Variants in PSMD11 observed in about 807,000 individuals in gnomAD.
PSMD11 encodes 26S proteasome non-ATPase regulatory subunit 11.
In PSMD11, 5 loss-of-function variants were observed where a neutral mutation model predicts 62.3. The ratio of observed to expected loss-of-function variants is 0.08; its 90% CI spans 0.04 to 0.17. The LOEUF is 0.17. Among genes scored for constraint, PSMD11 ranks in the 10% least tolerant of loss-of-function variants. The pLI, the probability that PSMD11 is intolerant of heterozygous loss-of-function variation, is 1.00. For synonymous variants in PSMD11, 191 were observed against 191.8 expected, an observed-to-expected ratio of 1.00 and a Z score of 0.03; for missense variants, 310 against 512.9, an observed-to-expected ratio of 0.60 and a Z score of 3.82.
At chr17:32,451,578 A>G (rs1372840471) in intron 2 of PSMD11, among the ~76,000 whole-genome samples, 2 of 152,230 alleles carry the variant, frequency 1.3e-5, no homozygotes, top group African/African-American at 4.8e-5. Flanking sequence ...TGTGCTGCAC[A>G]TTGAAATAAA....
intron 12 of PSMD11, 89 bp from the exon 13 acceptor site, chr17:32,480,400 C>T (rs1908453934): frequency 2.6e-6 from 4 of 1,521,020 alleles, no homozygotes; most frequent in Admixed American, 1.7e-5. Context: ...TTTCTGGACA[C>T]AGTGAGTCAA....
intron 7 of PSMD11, 46 bp downstream of exon 7, chr17:32,473,991 C>T: frequency 1.9e-6 from 3 of 1,604,740 alleles, no homozygotes; most frequent in Non-Finnish European, 2.6e-6. Context: ...GATCCTTCAG[C>T]AAGTCTGTTT....
intron 5 of PSMD11, among the ~76,000 whole-genome samples, chr17:32,468,165 T>C (rs1597838879): frequency 1.3e-5 from 2 of 152,358 alleles, no homozygotes; most frequent in East Asian, 1.9e-4. Flanking sequence ...TATTCTGTGG[T>C]GTATATGTAC....
intron 8 of PSMD11, 72 bp from the exon 9 acceptor site, chr17:32,477,449 C>G: frequency 7.6e-7 from 1 of 1,321,814 alleles, no homozygotes; most frequent in South Asian, 1.5e-5. Context: ...ACACAGCATA[C>G]TGCTTATGAG....
At position 32,464,031 on chromosome 17, in the gene PSMD11, T is replaced by C. The variant is rs1907919652; in HGVS notation, c.319-18T>C. Reference sequence around the variant, plus strand: ...TTTGAGGACATAATGTTGCATGTACTGTCTCTCCTTATTGCAGGTCGAGCT... The same window carrying C: ...TTTGAGGACATAATGTTGCATGTACCGTCTCTCCTTATTGCAGGTCGAGCT... On this transcript the variant is annotated intron_variant, in intron 3 of 13. Coordinates refer to ENST00000261712, the MANE Select transcript of PSMD11 (RefSeq NM_002815.4). The C allele has an allele frequency of 1.2e-6, 2 of 1,611,488 alleles. No individual in the cohort carries two copies. Among genetic ancestry groups the C allele is most frequent in the Non-Finnish European group, 8.5e-7 (1 of 1,177,578 alleles).
chr17:32,469,260 A>G lies in PSMD11; in HGVS notation c.643+67A>G, dbSNP rs1442557757. The G allele has an allele frequency of 1.0e-5, 15 of 1,496,750 alleles. No homozygotes were observed. In the East Asian group the frequency reaches 3.5e-4, roughly 35 times the overall value. 92.7% of individuals were successfully genotyped at this position (1,496,750 alleles called of 1,614,324 possible). On this transcript the variant is annotated intron_variant, in intron 6 of 13. Coordinates refer to ENST00000261712, the MANE Select transcript of PSMD11 (RefSeq NM_002815.4). ...TCATCTTATTTTATAGGTGGAAGGA[A>G]TGGGGGTTGGGGCTGGAGAATAAAA...
intron 3 of PSMD11, among the ~76,000 whole-genome samples, chr17:32,461,859 T>C (rs903604448): frequency 1.3e-5 from 2 of 152,210 alleles, no homozygotes; most frequent in African/African-American, 4.8e-5. Context: ...GTCTTATTTT[T>C]AGAAAATTTT....
At position 32,464,569 on chromosome 17, in the gene PSMD11, T is replaced by C. The variant is rs756089216; in HGVS notation, c.439T>C (p.Leu147=). Residue 147 remains leucine, a synonymous_variant, in exon 5 of 14, where the codon TTG becomes CTG. Transcript: ENST00000261712. ...TGATACCAAGAGGTACCAGGAAGCA[T>C]TGCATTTGGGTAAGTAAGCTGGTAA... is the stretch of plus-strand genomic sequence containing the variant. ...YFDTKRYQEA[L]HLGSQLLREL... 6.2e-7 allele frequency: 1 copy of C among 1,609,104 alleles called. No individual in the cohort carries two copies. The highest frequency in any genetic ancestry group is 2.2e-5 in the East Asian group (1 of 44,782).
In PSMD11 at chr17:32,468,939, T is replaced by A; in HGVS notation, c.449-60T>A. On this transcript the variant is annotated intron_variant, in intron 5 of 13. Transcript: ENST00000261712. Reference sequence around the variant, plus strand: ...CCTGAGTGTTATGAGGGTGGGAGAGTGAGCTATTATTAGGTATTAAGCTGA... The same window carrying A: ...CCTGAGTGTTATGAGGGTGGGAGAGAGAGCTATTATTAGGTATTAAGCTGA... 2.1e-6 allele frequency: 3 copies of A among 1,450,136 alleles called. No homozygotes were observed. The South Asian group carries it at 4.2e-5, about 20-fold the overall frequency. 89.8% of individuals were successfully genotyped at this position (1,450,136 alleles called of 1,614,324 possible).
intron 3 of PSMD11, among the ~76,000 whole-genome samples, chr17:32,455,853 A>T (rs2150831011): frequency 6.6e-6 from 1 of 152,258 alleles, no homozygotes; most frequent in African/African-American, 2.4e-5. Flanking sequence ...TACTTTAAAA[A>T]ACTCATGAGT....
intron 3 of PSMD11, among the ~76,000 whole-genome samples, chr17:32,458,848 ACT>A (rs1907725427): frequency 6.6e-6 from 1 of 151,860 alleles, no homozygotes; most frequent in African/African-American, 2.4e-5. Context: ...TTTTCTTTAC[ACT>A]GTTTCAAGTC....
intron 1 of PSMD11, chr17:32,444,951 G>A (rs1333793272): frequency 7.4e-6 from 3 of 405,236 alleles, no homozygotes; most frequent in Non-Finnish European, 1.3e-5. Context: ...GGGACCCGGA[G>A]CAGTGCCGGC....
intron 8 of PSMD11, chr17:32,476,564 C>T (rs1908327964): frequency 6.6e-6 from 1 of 152,230 alleles, no homozygotes; most frequent in African/African-American, 2.4e-5. Context: ...AGCAGCTTCT[C>T]TTAGTCCCTT....
rs528367193 is a variant in PSMD11 at position 32,471,007 on chromosome 17, C to G, written c.643+1814C>G. ...AGAAGGTTCCTGCTGGTATTGAGTT[C>G]TTTGGATCATGTGTCAGCAGCGTCA... On this transcript the variant is annotated intron_variant, in intron 6 of 13. Coordinates refer to ENST00000261712, the MANE Select transcript of PSMD11 (RefSeq NM_002815.4). Among the ~76,000 whole-genome samples the G allele has an allele frequency of 6.7e-4, 102 of 152,220 alleles. 3 individuals are homozygous for G. Among genetic ancestry groups the G allele is most frequent in the Admixed American group, 6.0e-3 (92 of 15,298 alleles).
At chr17:32,468,543 A>T (rs1172471225) in intron 5 of PSMD11, among the ~76,000 whole-genome samples, 1 of 152,192 alleles carries the variant, frequency 6.6e-6, no homozygotes, top group Non-Finnish European at 1.5e-5. Context: ...CTAGTTTGAG[A>T]TGGGGGAGTC....
chr17:32,474,741 A>G (rs1567858167), intron 7 of PSMD11, 23 bp from the exon 8 acceptor site: 1 of 1,612,910 alleles, frequency 6.2e-7, no homozygotes, highest in Non-Finnish European at 8.5e-7. Flanking sequence ...GCAGCAATTG[A>G]CCAAGTATGT....
Position 32,469,019 on chromosome 17 carries a change from T to G in PSMD11, c.469T>G (p.Leu157Val). Reference protein sequence around the residue: ...LHLGSQLLRELKKMDDKALLV... With the variant: ...LHLGSQLLREVKKMDDKALLV... ...TTCAGGTTCTCAGCTGCTGCGGGAG[T>G]TGAAAAAGATGGACGACAAAGCTCT... The change falls in exon 6 of 14, where the codon TTG (leucine) becomes GTG (valine). Residue 157 changes from leucine to valine, a missense_variant. Leu to Val is a conservative substitution (Grantham distance 32, BLOSUM62 1). Transcript: ENST00000261712. 6.2e-7 allele frequency: 1 copy of G among 1,613,230 alleles called. No individual in the cohort carries two copies. The highest frequency in any genetic ancestry group is 1.3e-5 in the African/African-American group (1 of 74,740).
chr17:32,477,693 A>T (rs1281286919), intron 9 of PSMD11, 110 bp downstream of exon 9: 2 of 983,266 alleles, frequency 2.0e-6, no homozygotes, highest in Non-Finnish European at 3.1e-6. Flanking sequence ...GTTGCAAATG[A>T]TTCCATGTAT....
chr17:32,454,663 T>C (rs1244700106), intron 3 of PSMD11, 44 bp downstream of exon 3: 1 of 1,597,036 alleles, frequency 6.3e-7, no homozygotes, highest in Admixed American at 1.8e-5. Flanking sequence ...TGGAGAAAAG[T>C]TTGTTTCCAA....
Sources: gnomAD v4.1 joint callset for allele counts (sites outside exome capture counted in the v4.1 genomes callset) on GRCh38, gnomAD v4.1.1 for gene constraint, MANE v1.5 for transcripts, NCBI Gene and HGNC (gene_info 2026-07-23, HGNC 2026-07-21) for gene names.